The following CADM2 variants were observed in gnomAD, a reference collection of about 807,000 sequenced individuals.
CADM2 encodes immunoglobulin superfamily member 4D.
A neutral mutation model predicts 49.8 loss-of-function variants in CADM2; 12 were observed. The ratio of observed to expected loss-of-function variants is 0.24; its 90% CI spans 0.15 to 0.39. CADM2 has a LOEUF of 0.39. Ranked by LOEUF, CADM2 falls within the 10% of genes least tolerant of loss-of-function variation. The pLI is 1.00. For missense variants in CADM2, 378 were observed against 492.3 expected, an observed-to-expected ratio of 0.77 and a Z score of 2.20; for synonymous variants, 214 against 175.4, an observed-to-expected ratio of 1.22 and a Z score of -1.74.
intron 1 of CADM2, among the ~76,000 whole-genome samples, chr3:85,468,137 G>A (rs1478640542): frequency 9.0e-6 from 1 of 111,170 alleles, no homozygotes; most frequent in African/African-American, 3.5e-5. Context: ...CTGGGCGACA[G>A]AGCGAGACTC....
chr3:85,637,239 T>A (rs2064521836), intron 1 of CADM2, among the ~76,000 whole-genome samples: 1 of 152,226 alleles, frequency 6.6e-6, no homozygotes, highest in Non-Finnish European at 1.5e-5. Context: ...TGCTTTAATA[T>A]CAATAATTTA....
In CADM2 at chr3:86,069,826, A is replaced by T. The variant is rs953763106; in HGVS notation, c.*3043A>T. 5 of 152,040 alleles carry T rather than the reference A, an allele frequency of 3.3e-5. No individual in the cohort carries two copies. The highest frequency in any genetic ancestry group is 7.4e-5 in the Non-Finnish European group (5 of 67,898). 9.4% of individuals were successfully genotyped at this position (152,040 alleles called of 1,614,324 possible). ...CAAAATCAAGTCTAAGCGGCATTTT[A>T]CTTTTCTTTTCTTTTTTATTTTCCA... is the stretch of plus-strand genomic sequence containing the variant. On this transcript the variant is annotated 3_prime_UTR_variant, in exon 10 of 10. Transcript: ENST00000383699.
chr3:85,285,280 A>C (rs1260907094), intron 1 of CADM2, among the ~76,000 whole-genome samples: 1 of 152,128 alleles, frequency 6.6e-6, no homozygotes, highest in South Asian at 2.1e-4. Flanking sequence ...TGCAATGTTC[A>C]GCACATATAT....
intron 1 of CADM2, among the ~76,000 whole-genome samples, chr3:85,527,906 C>A (rs1038268506): frequency 1.3e-5 from 2 of 152,058 alleles, no homozygotes; most frequent in Non-Finnish European, 2.9e-5. Context: ...TATGACCTTT[C>A]TTTTAGTCTA....
At chr3:85,089,636 T>G (rs531304188) in intron 1 of CADM2, among the ~76,000 whole-genome samples, 2 of 152,314 alleles carry the variant, frequency 1.3e-5, no homozygotes, top group African/African-American at 4.8e-5. Flanking sequence ...GTTTAAGGAC[T>G]GAAAAGTATT....
intron 8 of CADM2, among the ~76,000 whole-genome samples, chr3:86,064,109 G>T (rs1559833848): frequency 6.6e-6 from 1 of 151,598 alleles, no homozygotes; most frequent in African/African-American, 2.4e-5. Context: ...ACAATGTGCA[G>T]GTTTGTTCCA....
chr3:85,297,231 C>T (rs1050099758), intron 1 of CADM2, among the ~76,000 whole-genome samples: 1 of 151,970 alleles, frequency 6.6e-6, no homozygotes, highest in Admixed American at 6.6e-5. Context: ...AGGATTTACA[C>T]CACATCTCTA....
chr3:85,621,480 C>A (rs1191849464), intron 1 of CADM2, among the ~76,000 whole-genome samples: 1 of 152,002 alleles, frequency 6.6e-6, no homozygotes, highest in Non-Finnish European at 1.5e-5. Context: ...GAATTAAATT[C>A]TTATTAGATT....
chr3:85,593,832 C>T (rs1421954091), intron 1 of CADM2, among the ~76,000 whole-genome samples: 3 of 151,916 alleles, frequency 2.0e-5, no homozygotes, highest in African/African-American at 7.2e-5. Flanking sequence ...TTTCCAAATA[C>T]TTGAAATAAT....
At chr3:85,449,430 G>A (rs1430094332) in intron 1 of CADM2, among the ~76,000 whole-genome samples, 1 of 151,886 alleles carries the variant, frequency 6.6e-6, no homozygotes, top group Non-Finnish European at 1.5e-5. Flanking sequence ...TATACAGTTT[G>A]GGGAATAATT....
At chr3:85,005,083 C>G (rs1207296273) in intron 1 of CADM2, among the ~76,000 whole-genome samples, 1 of 152,134 alleles carries the variant, frequency 6.6e-6, no homozygotes, top group African/African-American at 2.4e-5. Context: ...AGCTGGGCTA[C>G]TTATATTCCA....
intron 1 of CADM2, among the ~76,000 whole-genome samples, chr3:85,371,618 A>ATTGTGT (rs1255345111): frequency 1.1e-3 from 15 of 13,438 alleles, no homozygotes; most frequent in Non-Finnish European, 2.8e-3. Context: ...GCCACACATC[A>ATTGTGT]CTGTGTGTGT....
intron 1 of CADM2, among the ~76,000 whole-genome samples, chr3:85,424,201 C>T (rs1240144926): frequency 6.6e-6 from 1 of 151,958 alleles, no homozygotes; most frequent in East Asian, 1.9e-4. Context: ...AAATGTTACA[C>T]ATCAGAATCT....
At chr3:85,218,449 G>A (rs1264092796) in intron 1 of CADM2, among the ~76,000 whole-genome samples, 1 of 152,032 alleles carries the variant, frequency 6.6e-6, no homozygotes, top group African/African-American at 2.4e-5. Flanking sequence ...AGTGCTCCAG[G>A]CGGCCTTTAG....
At chr3:85,145,800 A>G (rs1250792802) in intron 1 of CADM2, among the ~76,000 whole-genome samples, 1 of 152,156 alleles carries the variant, frequency 6.6e-6, no homozygotes, top group African/African-American at 2.4e-5. Context: ...TTTTCAAAAT[A>G]TGTGGCCTTT....
chr3:85,325,538 C>T (rs1029157120), intron 1 of CADM2, among the ~76,000 whole-genome samples: 2 of 151,948 alleles, frequency 1.3e-5, no homozygotes, highest in African/African-American at 4.8e-5. Context: ...GGCGAAACCC[C>T]GTTTCTGCTA....
chr3:85,055,904 T>G (rs2036062620), intron 1 of CADM2, among the ~76,000 whole-genome samples: 1 of 152,036 alleles, frequency 6.6e-6, no homozygotes. Context: ...TGACATACTC[T>G]GTAAGATTTG....
At chr3:85,875,403 A>G (rs952213056) in intron 3 of CADM2, among the ~76,000 whole-genome samples, 11 of 152,198 alleles carry the variant, frequency 7.2e-5, no homozygotes, top group Admixed American at 1.3e-4. Context: ...GCATATTTTC[A>G]TCACACAGCT....
chr3:85,466,347 G>T (rs1368692933), intron 1 of CADM2, among the ~76,000 whole-genome samples: 5 of 152,130 alleles, frequency 3.3e-5, no homozygotes, highest in Non-Finnish European at 7.4e-5. Context: ...TTCAGGAGGA[G>T]TTTTTCCAAA....
Sources: allele counts gnomAD v4.1 joint callset (sites outside exome capture counted in the v4.1 genomes callset), GRCh38; gene constraint gnomAD v4.1.1; transcripts MANE v1.5; gene names NCBI Gene and HGNC (gene_info 2026-07-23, HGNC 2026-07-21).